The following NTM variants were observed in gnomAD, a reference collection of about 807,000 sequenced individuals.
NTM encodes neurotrimin.
Under a neutral mutation model 42.1 loss-of-function variants are expected in NTM, and 13 were observed. That is an observed-to-expected ratio of 0.31 (90% CI 0.20 to 0.49). The LOEUF (loss-of-function observed/expected upper bound fraction) is 0.49, where lower values mean the gene tolerates loss of function less well. Among genes scored for constraint, NTM ranks in the 20% least tolerant of loss-of-function variants. NTM has a pLI of 0.99. For missense variants in NTM, 373 were observed against 452.8 expected, an observed-to-expected ratio of 0.82 and a Z score of 1.60; for synonymous variants, 187 against 179.2, an observed-to-expected ratio of 1.04 and a Z score of -0.35.
chr11:131,684,777 C>A (rs2073589500), intron 1 of NTM, among the ~76,000 whole-genome samples: 1 of 152,214 alleles, frequency 6.6e-6, no homozygotes, highest in South Asian at 2.1e-4. Flanking sequence ...CTGGAGATGA[C>A]CCGTGCAAGA....
intron 1 of NTM, among the ~76,000 whole-genome samples, chr11:131,708,591 A>G (rs2076817832): frequency 6.6e-6 from 1 of 152,214 alleles, no homozygotes; most frequent in Non-Finnish European, 1.5e-5. Flanking sequence ...GTAGTGTTTT[A>G]GGAAATAGAA....
rs1955109151 is a variant in NTM, at chr11:131,494,302, C to T, written c.82+123414C>T. Reference sequence around the variant, plus strand: ...GATATTGACCCCCAGGAGCTATGATCAGGTTGTGGGAGGAGAGGGCTATTT... The same window carrying T: ...GATATTGACCCCCAGGAGCTATGATTAGGTTGTGGGAGGAGAGGGCTATTT... On this transcript the variant is annotated intron_variant, in intron 1 of 8. Coordinates refer to ENST00000683400, the MANE Select transcript of NTM (RefSeq NM_001352005.2). Among the ~76,000 whole-genome samples, 5 of 152,210 alleles carry T rather than the reference C, an allele frequency of 3.3e-5. No homozygotes were observed. The South Asian group carries it at 1.0e-3, about 32-fold the overall frequency.
chr11:132,121,208 C>T (rs1431562106), intron 2 of NTM, among the ~76,000 whole-genome samples: 1 of 152,108 alleles, frequency 6.6e-6, no homozygotes, highest in Non-Finnish European at 1.5e-5. Context: ...GCAATGACCT[C>T]TATAAGCCCT....
At chr11:132,309,277 T>C (rs546162239) in intron 5 of NTM, among the ~76,000 whole-genome samples, 19 of 152,312 alleles carry the variant, frequency 1.2e-4, no homozygotes, top group Admixed American at 4.6e-4. Flanking sequence ...GCAAACCAAG[T>C]GCGTAGGCCT....
At chr11:131,714,791 G>T (rs895355916) in intron 1 of NTM, among the ~76,000 whole-genome samples, 9 of 152,094 alleles carry the variant, frequency 5.9e-5, no homozygotes, top group Admixed American at 5.9e-4. Context: ...CATCCATGCG[G>T]CATTTGACAC....
intron 1 of NTM, among the ~76,000 whole-genome samples, chr11:131,819,119 G>T (rs555988329): frequency 1.3e-5 from 2 of 152,062 alleles, no homozygotes; most frequent in South Asian, 4.2e-4. Flanking sequence ...ATGGCCTGCT[G>T]GTTGCTCTGT....
intron 1 of NTM, among the ~76,000 whole-genome samples, chr11:131,685,336 C>T (rs2073706205): frequency 6.6e-6 from 1 of 152,180 alleles, no homozygotes; most frequent in East Asian, 1.9e-4. Context: ...GTCGGGCATC[C>T]ATGGGAAGCA....
intron 1 of NTM, among the ~76,000 whole-genome samples, chr11:131,424,418 A>G (rs1340377559): frequency 6.6e-6 from 1 of 151,856 alleles, no homozygotes; most frequent in Non-Finnish European, 1.5e-5. Context: ...GGGATGTACG[A>G]ACCACTTAGA....
At chr11:131,798,934 G>A (rs1299671462) in intron 1 of NTM, among the ~76,000 whole-genome samples, 2 of 152,118 alleles carry the variant, frequency 1.3e-5, no homozygotes, top group African/African-American at 2.4e-5. Flanking sequence ...CATGACAGGA[G>A]AGTCCATGTC....
chr11:131,692,322 T>C (rs1410945869), intron 1 of NTM, among the ~76,000 whole-genome samples: 1 of 152,146 alleles, frequency 6.6e-6, no homozygotes, highest in Non-Finnish European at 1.5e-5. Context: ...CATGCAGATC[T>C]CTGGGTGATG....
chr11:131,874,485 T>G (rs530782035), intron 1 of NTM, among the ~76,000 whole-genome samples: 1 of 152,330 alleles, frequency 6.6e-6, no homozygotes, highest in Admixed American at 6.5e-5. Flanking sequence ...ATGAAACACA[T>G]TTTAAACCCA....
chr11:131,969,841 G>C (rs1299534274), intron 2 of NTM, among the ~76,000 whole-genome samples: 1 of 152,166 alleles, frequency 6.6e-6, no homozygotes, highest in African/African-American at 2.4e-5. Flanking sequence ...TTTTGAGACA[G>C]GGTCTTGCTC....
At chr11:131,617,734 C>T (rs1470038344) in intron 1 of NTM, among the ~76,000 whole-genome samples, 1 of 152,212 alleles carries the variant, frequency 6.6e-6, no homozygotes, top group East Asian at 1.9e-4. Flanking sequence ...TTTTCAGCTT[C>T]CACAACACAA....
chr11:131,853,472 T>G (rs2136862942), intron 1 of NTM, among the ~76,000 whole-genome samples: 1 of 152,312 alleles, frequency 6.6e-6, no homozygotes, highest in African/African-American at 2.4e-5. Context: ...TAGCTCCCAC[T>G]TATAAGTGAG....
intron 1 of NTM, among the ~76,000 whole-genome samples, chr11:131,634,880 A>G (rs78813280): frequency 0.045 from 6,786 of 152,284 alleles, 354 homozygotes; most frequent in African/African-American, 0.13. Context: ...TTGGTATTCA[A>G]CACCTTGTAG....
chr11:131,621,862 G>A (rs1314712923), intron 1 of NTM, among the ~76,000 whole-genome samples: 1 of 151,546 alleles, frequency 6.6e-6, no homozygotes, highest in East Asian at 1.9e-4. Flanking sequence ...CAGACAAGTG[G>A]GGAAAGAATT....
At chr11:131,981,761 A>G (rs926208729) in intron 2 of NTM, among the ~76,000 whole-genome samples, 1 of 152,204 alleles carries the variant, frequency 6.6e-6, no homozygotes, top group African/African-American at 2.4e-5. Flanking sequence ...CTGTAATCCC[A>G]GCACATTGGG....
rs755759410 is a variant in NTM at position 132,310,028 on chromosome 11, C to T, written c.662-84C>T. The stretch of plus-strand genomic sequence containing the variant: ...CCAAGATCATGCCACTGCATTCCAG[C>T]CTGAGCCACAAGAGCAAGACTCCAT... On this transcript the variant is annotated intron_variant, in intron 5 of 8. Transcript: ENST00000683400. 1.3e-4 allele frequency: 191 copies of T among 1,467,468 alleles called. 1 individual carries two copies. The highest frequency in any genetic ancestry group is 1.6e-4 in the Non-Finnish European group (179 of 1,109,710). The allele number at this position is 1,467,468 out of a possible 1,614,324, so 90.9% of individuals were successfully genotyped here. A position where few individuals can be genotyped will look rare whatever the true frequency, so the allele number is the denominator to read the frequency against.
At chr11:131,378,662 C>T (rs1942272872) in intron 1 of NTM, among the ~76,000 whole-genome samples, 2 of 152,136 alleles carry the variant, frequency 1.3e-5, no homozygotes, top group Non-Finnish European at 2.9e-5. Flanking sequence ...CCTAAGCCTT[C>T]CTGCAAGAGA....
Sources: gnomAD v4.1 joint callset for allele counts (sites outside exome capture counted in the v4.1 genomes callset) on GRCh38, gnomAD v4.1.1 for gene constraint, MANE v1.5 for transcripts, NCBI Gene and HGNC (gene_info 2026-07-23, HGNC 2026-07-21) for gene names.